Variants in CPNE7 observed in about 807,000 individuals in gnomAD.
CPNE7 encodes the protein copine-7.
CPNE7 carries 78 observed loss-of-function variants against 66.5 expected under a neutral mutation model. That is an observed-to-expected ratio of 1.17 (90% CI 0.98 to 1.42). CPNE7 has a LOEUF of 1.42. CPNE7 is among the 40% of genes most tolerant of loss of function. CPNE7 has a pLI of 0.00. For synonymous variants in CPNE7, 468 were observed against 336.7 expected (o/e 1.39, Z -4.27); for missense variants, 1,012 against 776.6 (o/e 1.30, Z -3.60).
At chr16:89,593,543 G>A (rs998070682) in intron 13 of CPNE7, among the ~76,000 whole-genome samples, 18 of 151,800 alleles carry the variant, frequency 1.2e-4, no homozygotes, top group African/African-American at 4.1e-4. Flanking sequence ...TAGTAGAGAC[G>A]GGGTTTCACT....
At chr16:89,591,776 T>A (rs1186008091) in intron 13 of CPNE7, among the ~76,000 whole-genome samples, 1 of 151,924 alleles carries the variant, frequency 6.6e-6, no homozygotes, top group African/African-American at 2.4e-5. Context: ...CCCAGCTCAC[T>A]GCAACCTCTG....
At chr16:89,588,496 G>C (rs1000931027) in intron 9 of CPNE7, among the ~76,000 whole-genome samples, 179 bp from the exon 10 acceptor site, 1 of 152,108 alleles carries the variant, frequency 6.6e-6, no homozygotes, top group African/African-American at 2.4e-5. Context: ...GTTTTGAGGA[G>C]ACCTCTCCTG....
intron 13 of CPNE7, among the ~76,000 whole-genome samples, chr16:89,593,575 A>G (rs1468323836): frequency 1.3e-5 from 2 of 151,802 alleles, no homozygotes; most frequent in South Asian, 2.1e-4. Flanking sequence ...GATGGTCTCG[A>G]TCTCCTGACC....
chr16:89,586,964 G>T, intron 8 of CPNE7, 79 bp from the exon 9 acceptor site: 2 of 1,401,162 alleles, frequency 1.4e-6, no homozygotes, highest in Non-Finnish European at 2.0e-6. Context: ...GGCTGCCTGC[G>T]GGAGGCAGGC....
rs1597706056 is a variant in CPNE7 at position 89,587,080 on chromosome 16, G to A, written c.905G>A (p.Gly302Asp). Residue 302 changes from glycine (G) to aspartate (D), a missense_variant, in exon 9 of 15, where the codon GGC (glycine) becomes GAC (aspartate). Physicochemically the swap from Gly to Asp is moderately conservative, Grantham distance 94 (BLOSUM62 -1). Transcript: ENST00000319518. ...TACTCCTTCCTGGACTATATCATGG[G>A]CGGCTGCCAGATCCACTTCACCGTG... ...RVYSFLDYIMGGCQIHFTVAI... is the reference protein window; with the variant it reads ...RVYSFLDYIMDGCQIHFTVAI... 2 of 1,574,142 alleles carry A rather than the reference G, an allele frequency of 1.3e-6. No homozygotes were observed. Among genetic ancestry groups the A allele is most frequent in the Non-Finnish European group, 1.7e-6 (2 of 1,160,216 alleles).
Position 89,584,941 on chromosome 16 carries a change from C to T in CPNE7, c.591+84C>T, listed in dbSNP as rs2059012207. The T allele has an allele frequency of 1.6e-6, 2 of 1,239,524 alleles. No individual in the cohort carries two copies. The highest frequency in any genetic ancestry group is 1.2e-5 in the South Asian group (1 of 80,966). The allele number at this position is 1,239,524 out of a possible 1,614,324, so 76.8% of individuals were successfully genotyped here. ...ATCTCTGGCCACATGGGAGGAGCTC[C>T]CAGCCTCCAACAGGGAGCTGTGGGC... On this transcript the variant is annotated intron_variant, in intron 5 of 14. Coordinates refer to ENST00000319518, the MANE Select transcript of CPNE7 (RefSeq NM_153636.3). This position sits in a 1 kb window ranked among gnomAD's most constrained non-coding sequence, Gnocchi z 6.0.
At chr16:89,587,681 A>AC (rs1228483468) in intron 9 of CPNE7, 2 of 377,932 alleles carry the variant, frequency 5.3e-6, no homozygotes, top group African/African-American at 2.3e-5. Flanking sequence ...ACCCCGCGTC[A>AC]CCCATAGATA....
In CPNE7 at chr16:89,592,733, C is replaced by T. The variant is rs552398848; in HGVS notation, c.1302+1473C>T. 7.9e-5 allele frequency among the ~76,000 whole-genome samples: 12 copies of T among 151,340 alleles called. No individual in the cohort carries two copies. In the South Asian group the frequency reaches 1.0e-3, roughly 13 times the overall value. The stretch of plus-strand genomic sequence containing the variant: ...CTGGGATTACAGGAGTGAGCCACCG[C>T]GCCCAGCCCAAATTTTTTTTATTGT... On this transcript the variant is annotated intron_variant, in intron 13 of 14. Transcript: ENST00000319518.
At chr16:89,587,727 TCACCCA>T (rs2059084253) in intron 9 of CPNE7, 8 of 174,490 alleles carry the variant, frequency 4.6e-5, no homozygotes, top group South Asian at 1.3e-4. Flanking sequence ...CACCCCCGTG[TCACCCA>T]CAGATACACG....
rs528103837 is a variant in CPNE7, at chr16:89,584,289, G to A, written c.507+187G>A. On this transcript the variant is annotated intron_variant, in intron 4 of 14. Transcript: ENST00000319518. The surrounding 1 kb of genome is among the most constrained non-coding windows in gnomAD (Gnocchi z 6.0). ...CACTGTCACCGCCATTAGCTCTCCC[G>A]CCCCTCCTGGCAGCTGGGCTGGGGC... Among the ~76,000 whole-genome samples the A allele has an allele frequency of 1.3e-5, 2 of 152,296 alleles. No individual in the cohort carries two copies. Among genetic ancestry groups the A allele is most frequent in the South Asian group, 2.1e-4 (1 of 4,832 alleles).
chr16:89,578,848 C>A (rs1451757894), intron 2 of CPNE7: 6 of 1,607,924 alleles, frequency 3.7e-6, no homozygotes, highest in Non-Finnish European at 5.1e-6. Context: ...TGGGTTACGG[C>A]CTCCACAGCC....
intron 13 of CPNE7, among the ~76,000 whole-genome samples, chr16:89,592,787 C>A (rs1398887455): frequency 2.0e-5 from 3 of 148,430 alleles, no homozygotes; most frequent in African/African-American, 7.5e-5. Flanking sequence ...TAAAATTTAC[C>A]ATTGTAACCA....
chr16:89,585,533 G>A lies in CPNE7; in HGVS notation c.661G>A (p.Glu221Lys), dbSNP rs778720553. The A allele has an allele frequency of 1.1e-5, 17 of 1,611,196 alleles. No individual in the cohort carries two copies. The highest frequency in any genetic ancestry group is 1.0e-4 in the Admixed American group (6 of 59,866). ...KVSLSSLCSC[E>K]ETRPLKCLVW... is the part of the protein sequence containing the mutation. ...CTCTCTGAGTTCCCTCTGCAGCTGC[G>A]AGGAGACAAGGCCTCTAAAGGTGGG... Residue 221 changes from glutamate to lysine, a missense_variant, in exon 6 of 15, where the codon GAG (glutamate) becomes AAG (lysine). By Grantham distance (56) the Glu-to-Lys change is moderately conservative (BLOSUM62 1). Coordinates refer to ENST00000319518, the MANE Select transcript of CPNE7 (RefSeq NM_153636.3).
Position 89,596,494 on chromosome 16 carries a change from C to A in CPNE7, c.1550C>A (p.Ala517Glu). 6.2e-7 allele frequency: 1 copy of A among 1,607,290 alleles called. No individual in the cohort carries two copies. The highest frequency in any genetic ancestry group is 8.5e-7 in the Non-Finnish European group (1 of 1,178,722). The change falls in exon 15 of 15, where the codon GCG becomes GAG. Residue 517 changes from alanine to glutamate, a missense_variant. By Grantham distance (107) the Ala-to-Glu change is moderately radical. Coordinates refer to ENST00000319518, the MANE Select transcript of CPNE7 (RefSeq NM_153636.3). ...TGTCCCATCCTCCAGGCATCCCCTG[C>A]GGCGCTGGCCAAGTGCGTGCTGGCC... ...PFRELKNASP[A>E]ALAKCVLAEV...
rs562240153 is a variant in CPNE7 at position 89,583,603 on chromosome 16, C to T, written c.358-94C>T. 1.9e-6 allele frequency: 3 copies of T among 1,606,732 alleles called. No individual in the cohort carries two copies. The South Asian group carries it at 3.3e-5, about 18-fold the overall frequency. ...CATGGTGGGGGATGGGGAGACAGGA[C>T]AGGCCTGAGAGTCCGGGTGAGGGCG... is the stretch of plus-strand genomic sequence containing the variant. On this transcript the variant is annotated intron_variant, in intron 2 of 14. Transcript: ENST00000319518.
rs1398863539 is a variant in CPNE7, at chr16:89,589,757, C to T, written c.1062-140C>T. ...GCTGCCCTGAGCCTCGGTTCCCCAC[C>T]TCTGGCAGGTGCTTACTGCCGTGGT... is the stretch of plus-strand genomic sequence containing the variant. On this transcript the variant is annotated intron_variant, in intron 10 of 14. Coordinates refer to ENST00000319518, the MANE Select transcript of CPNE7 (RefSeq NM_153636.3). 4 of 852,166 alleles carry T rather than the reference C, an allele frequency of 4.7e-6. No individual in the cohort carries two copies. In the African/African-American group the frequency reaches 6.8e-5, roughly 14 times the overall value. The allele number at this position is 852,166 out of a possible 1,614,324, so 52.8% of individuals were successfully genotyped here. A position where few individuals can be genotyped will look rare whatever the true frequency, so the allele number is the denominator to read the frequency against.
intron 2 of CPNE7, among the ~76,000 whole-genome samples, chr16:89,578,507 C>T (rs985751551): frequency 2.0e-5 from 3 of 152,122 alleles, no homozygotes; most frequent in African/African-American, 7.2e-5. Context: ...CACCTGTGAT[C>T]CCAGCACTGT....
In CPNE7 at chr16:89,589,968, C is replaced by T. The variant is rs574968791; in HGVS notation, c.1116+17C>T. The T allele has an allele frequency of 3.1e-6, 5 of 1,613,146 alleles. No homozygotes were observed. The highest frequency in any genetic ancestry group is 4.2e-6 in the Non-Finnish European group (5 of 1,179,828). ...AAGTATGAGGTAGGAGAGCCCAGAACCTGAGACCTCAGAGCTGTGCCCTTC... is the reference window on the plus strand; with the variant it reads ...AAGTATGAGGTAGGAGAGCCCAGAATCTGAGACCTCAGAGCTGTGCCCTTC... On this transcript the variant is annotated intron_variant, in intron 11 of 14. Coordinates refer to ENST00000319518, the MANE Select transcript of CPNE7 (RefSeq NM_153636.3).
chr16:89,589,810 G>T, intron 10 of CPNE7, 87 bp from the exon 11 acceptor site: 2 of 1,461,804 alleles, frequency 1.4e-6, no homozygotes, highest in South Asian at 2.4e-5. Context: ...CCAGTCTTTT[G>T]GGCGCCAGTC....
Sources: gnomAD v4.1 joint callset for allele counts (sites outside exome capture counted in the v4.1 genomes callset) on GRCh38, gnomAD v4.1.1 for gene constraint, Gnocchi (gnomAD v3.1) non-coding constraint, MANE v1.5 for transcripts, NCBI Gene and HGNC (gene_info 2026-07-23, HGNC 2026-07-21) for gene names.